The following ANGPT2 variants were observed in gnomAD, a reference collection of about 807,000 sequenced individuals.
The protein encoded by ANGPT2 is angiopoietin 2.
In ANGPT2, 28 loss-of-function variants were observed where a neutral mutation model predicts 62.9. The ratio of observed to expected loss-of-function variants is 0.44; its 90% CI spans 0.33 to 0.61. ANGPT2 has a LOEUF of 0.61. Ranked by LOEUF, ANGPT2 falls within the 20% of genes least tolerant of loss-of-function variation. The probability of loss-of-function intolerance (pLI) is 0.03; values close to 1 mark genes in which losing one functional copy is unlikely to be tolerated. For missense variants in ANGPT2, 727 were observed against 594.9 expected, an observed-to-expected ratio of 1.22 and a Z score of -2.31; for synonymous variants, 284 against 207.8, an observed-to-expected ratio of 1.37 and a Z score of -3.15.
At chr8:6,541,188 G>A (rs1245681619) in intron 1 of ANGPT2, among the ~76,000 whole-genome samples, 1 of 152,210 alleles carries the variant, frequency 6.6e-6, no homozygotes, top group East Asian at 1.9e-4. Context: ...GCACAAGAGG[G>A]TGAATTCTGA....
intron 7 of ANGPT2, among the ~76,000 whole-genome samples, chr8:6,511,455 G>GT (rs912568893): frequency 1.3e-5 from 2 of 152,144 alleles, no homozygotes; most frequent in African/African-American, 4.8e-5. Flanking sequence ...ATAGCTTTTA[G>GT]TTTCACTAGA....
Position 6,532,414 on chromosome 8 carries a change from G to A in ANGPT2, c.362C>T (p.Thr121Met), listed in dbSNP as rs199805681. 2.2e-5 allele frequency: 36 copies of A among 1,613,730 alleles called. No homozygotes were observed. The highest frequency in any genetic ancestry group is 2.2e-5 in the South Asian group (2 of 91,064). Residue 121 changes from threonine to methionine, a missense_variant, in exon 2 of 9, where the codon ACG becomes ATG. Physicochemically the swap from Thr to Met is moderately conservative, Grantham distance 81 (BLOSUM62 -1). Transcript: ENST00000629816. ...TGTCCCTATTTCTATCATCACAGCC[G>A]TCTGGTTCTGTACTGCATTCTGCTG... Reference protein sequence around the residue: ...EIQQNAVQNQTAVMIEIGTNL... With the variant: ...EIQQNAVQNQMAVMIEIGTNL...
intron 7 of ANGPT2, among the ~76,000 whole-genome samples, 155 bp from the exon 8 acceptor site, chr8:6,509,217 A>G (rs1814431915): frequency 6.6e-6 from 1 of 152,254 alleles, no homozygotes; most frequent in Non-Finnish European, 1.5e-5. Context: ...TTGCACTGGT[A>G]TAAACAGGAA....
intron 1 of ANGPT2, among the ~76,000 whole-genome samples, chr8:6,560,573 A>G (rs1380210275): frequency 2.0e-5 from 3 of 152,190 alleles, no homozygotes; most frequent in Admixed American, 2.0e-4. Flanking sequence ...ATAGGCTGGG[A>G]GAACAGGTGT....
intron 8 of ANGPT2, chr8:6,508,694 G>A (rs1453217352): frequency 3.4e-5 from 21 of 612,744 alleles, no homozygotes; most frequent in Non-Finnish European, 8.5e-6. Flanking sequence ...CCTTGCCAGG[G>A]CTAGGTCCTG....
At chr8:6,538,163 G>A (rs1440568173) in intron 1 of ANGPT2, among the ~76,000 whole-genome samples, 2 of 151,362 alleles carry the variant, frequency 1.3e-5, no homozygotes, top group Non-Finnish European at 2.9e-5. Context: ...CATTTTTCTA[G>A]TAAACCCTTG....
At chr8:6,561,889 C>T (rs2129575839) in intron 1 of ANGPT2, among the ~76,000 whole-genome samples, 1 of 152,286 alleles carries the variant, frequency 6.6e-6, no homozygotes, top group East Asian at 1.9e-4. Flanking sequence ...ACAGTGGAAT[C>T]ACCCCAAGAA....
intron 1 of ANGPT2, 32 bp from the exon 2 acceptor site, chr8:6,532,519 T>G: frequency 1.3e-6 from 2 of 1,533,906 alleles, no homozygotes; most frequent in Non-Finnish European, 1.8e-6. Context: ...AGGCAGTCAT[T>G]AGTCAAATGA....
At chr8:6,522,230 C>T (rs1235265221) in intron 3 of ANGPT2, among the ~76,000 whole-genome samples, 1 of 152,058 alleles carries the variant, frequency 6.6e-6, no homozygotes, top group East Asian at 1.9e-4. Flanking sequence ...TGGCGGGCGC[C>T]TGTAGTCACA....
At chr8:6,544,224 G>GGGACCTCTGTTTATTAT (rs1822127270) in intron 1 of ANGPT2, among the ~76,000 whole-genome samples, 1 of 152,184 alleles carries the variant, frequency 6.6e-6, no homozygotes, top group Non-Finnish European at 1.5e-5. Flanking sequence ...TAGTGAAGCT[G>GGGACCTCTGTTTATTAT]GGACCTCTGT....
chr8:6,547,300 A>C (rs113412396), intron 1 of ANGPT2, among the ~76,000 whole-genome samples: 118 of 152,232 alleles, frequency 7.8e-4, no homozygotes, highest in African/African-American at 2.7e-3. Context: ...AAAAGTACAG[A>C]GACTTGAATC....
chr8:6,517,086 T>G (rs2129568360), intron 5 of ANGPT2, among the ~76,000 whole-genome samples: 1 of 152,326 alleles, frequency 6.6e-6, no homozygotes, highest in South Asian at 2.1e-4. Flanking sequence ...AAAGATAGTG[T>G]TCAAATAGAG....
At chr8:6,533,031 C>T (rs922203001) in intron 1 of ANGPT2, among the ~76,000 whole-genome samples, 1 of 152,268 alleles carries the variant, frequency 6.6e-6, no homozygotes, top group Non-Finnish European at 1.5e-5. Context: ...CTCAGTTCCA[C>T]ATTCTGTGGG....
At position 6,502,748 on chromosome 8, in the gene ANGPT2, C is replaced by T; in HGVS notation, c.*353G>A. On this transcript the variant is annotated 3_prime_UTR_variant, in exon 9 of 9. Coordinates refer to ENST00000629816, the MANE Select transcript of ANGPT2 (RefSeq NM_001118887.2). ...TTCCAAGATGATCTGTATTGTATAA[C>T]ATAAGTGTTCTGTTTTCCAGTTATT... 7.1e-6 allele frequency: 2 copies of T among 280,972 alleles called. No individual in the cohort carries two copies. Among genetic ancestry groups the T allele is most frequent in the African/African-American group, 2.2e-5 (1 of 45,960 alleles). The allele number at this position is 280,972 out of a possible 1,614,324, so 17.4% of individuals were successfully genotyped here. A position where few individuals can be genotyped will look rare whatever the true frequency, so the allele number is the denominator to read the frequency against.
rs1357975756 is a variant in ANGPT2, at chr8:6,514,715, T to G, written c.991A>C (p.Ser331Arg). ...TTCCAAGTCCTCTGAAAATCAACGCTGCCATCCTCACGTCGCTGAATAATT... is the reference window on the plus strand; with the variant it reads ...TTCCAAGTCCTCTGAAAATCAACGCGGCCATCCTCACGTCGCTGAATAATT... ...WTIIQRREDG[S>R]VDFQRTWKEY... is the part of the protein sequence containing the mutation. The change falls in exon 6 of 9, where the codon AGC becomes CGC. Residue 331 changes from serine to arginine, a missense_variant. Ser to Arg is a moderately radical substitution (Grantham distance 110). Coordinates refer to ENST00000629816, the MANE Select transcript of ANGPT2 (RefSeq NM_001118887.2). The G allele has an allele frequency of 6.2e-7, 1 of 1,614,020 alleles. No homozygotes were observed. Among genetic ancestry groups the G allele is most frequent in the South Asian group, 1.1e-5 (1 of 91,080 alleles).
intron 1 of ANGPT2, among the ~76,000 whole-genome samples, chr8:6,544,900 G>A (rs1010289499): frequency 4.0e-5 from 6 of 151,800 alleles, no homozygotes; most frequent in Non-Finnish European, 7.4e-5. Context: ...CAGATTCTTT[G>A]GTCAGTAGTC....
Position 6,539,706 on chromosome 8 carries a change from C to T in ANGPT2, c.289-7219G>A, listed in dbSNP as rs540831734. 3.3e-5 allele frequency among the ~76,000 whole-genome samples: 5 copies of T among 152,332 alleles called. No homozygotes were observed. In the South Asian group the frequency reaches 1.0e-3, roughly 32 times the overall value. ...GGTTCAAACGATTCTCCCGCCTCAGCTTCCCAAGTAGCTGGGGTTACAGGC... is the reference window on the plus strand; with the variant it reads ...GGTTCAAACGATTCTCCCGCCTCAGTTTCCCAAGTAGCTGGGGTTACAGGC... On this transcript the variant is annotated intron_variant, in intron 1 of 8. Transcript: ENST00000629816.
At chr8:6,510,147 G>C (rs1814726282) in intron 7 of ANGPT2, among the ~76,000 whole-genome samples, 1 of 140,952 alleles carries the variant, frequency 7.1e-6, no homozygotes, top group African/African-American at 2.8e-5. Flanking sequence ...ATATTTTTGA[G>C]GTTGTTTTTT....
intron 6 of ANGPT2, 88 bp from the exon 7 acceptor site, chr8:6,513,932 T>A (rs1421271762): frequency 1.6e-6 from 2 of 1,242,278 alleles, no homozygotes; most frequent in African/African-American, 1.5e-5. Context: ...TAACATAGAA[T>A]AACTATCAAA....
Sources: gnomAD v4.1 joint callset for allele counts (sites outside exome capture counted in the v4.1 genomes callset) on GRCh38, gnomAD v4.1.1 for gene constraint, MANE v1.5 for transcripts, NCBI Gene and HGNC (gene_info 2026-07-23, HGNC 2026-07-21) for gene names.